The following CNTLN variants were observed in gnomAD, a reference collection of about 807,000 sequenced individuals.
The protein encoded by CNTLN is centlein, also known as centlein, centrosomal protein.
CNTLN carries 212 observed loss-of-function variants against 180.0 expected under a neutral mutation model. That is an observed-to-expected ratio of 1.18 (90% confidence interval 1.05 to 1.32). The LOEUF (loss-of-function observed/expected upper bound fraction) is 1.32, where lower values mean the gene tolerates loss of function less well. Ranked by LOEUF, CNTLN falls within the 40% of genes most tolerant of loss-of-function variation. CNTLN has a pLI of 0.00. For missense variants in CNTLN, 2,095 were observed against 1,610.9 expected, an observed-to-expected ratio of 1.30 and a Z score of -5.14; for synonymous variants, 722 against 563.1, an observed-to-expected ratio of 1.28 and a Z score of -3.99.
intron 19 of CNTLN, among the ~76,000 whole-genome samples, chr9:17,459,005 A>T (rs1831298455): frequency 6.6e-6 from 1 of 151,794 alleles, no homozygotes; most frequent in East Asian, 1.9e-4. Flanking sequence ...TATCACATAG[A>T]CTTTAATTCT....
intron 6 of CNTLN, among the ~76,000 whole-genome samples, chr9:17,284,884 G>A (rs1195346029): frequency 6.6e-6 from 1 of 151,998 alleles, no homozygotes; most frequent in African/African-American, 2.4e-5. Context: ...GCTTTTTGAT[G>A]TGGGCAGTTA....
At chr9:17,294,156 G>T (rs531557890) in intron 6 of CNTLN, among the ~76,000 whole-genome samples, 1 of 152,210 alleles carries the variant, frequency 6.6e-6, no homozygotes, top group South Asian at 2.1e-4. Context: ...GCTCATAAAG[G>T]CAGTGTGGAT....
intron 2 of CNTLN, among the ~76,000 whole-genome samples, chr9:17,200,381 T>C (rs1360551762): frequency 6.6e-6 from 1 of 152,164 alleles, no homozygotes; most frequent in Non-Finnish European, 1.5e-5. Flanking sequence ...AGAAAGTCAG[T>C]GGTAGTTTGA....
At chr9:17,443,405 G>A (rs1461467623) in intron 18 of CNTLN, among the ~76,000 whole-genome samples, 1 of 152,070 alleles carries the variant, frequency 6.6e-6, no homozygotes, top group Non-Finnish European at 1.5e-5. Flanking sequence ...AATAATAGCA[G>A]GTATTGTGTG....
chr9:17,338,933 TTGAAA>T (rs1423866555), intron 10 of CNTLN, among the ~76,000 whole-genome samples: 1 of 152,174 alleles, frequency 6.6e-6, no homozygotes, highest in Non-Finnish European at 1.5e-5. Context: ...GGTTCTTAAA[TTGAAA>T]TGAACAAAAT....
intron 5 of CNTLN, among the ~76,000 whole-genome samples, chr9:17,256,343 T>C (rs567093534): frequency 1.3e-5 from 2 of 152,134 alleles, no homozygotes; most frequent in African/African-American, 4.8e-5. Flanking sequence ...TCCAAACTGC[T>C]TTCCACAGTG....
At chr9:17,344,198 C>G (rs1442529407) in intron 12 of CNTLN, among the ~76,000 whole-genome samples, 1 of 152,024 alleles carries the variant, frequency 6.6e-6, no homozygotes, top group African/African-American at 2.4e-5. Flanking sequence ...AGTAATGAGG[C>G]CTTTTTAAAA....
At chr9:17,439,425 C>G (rs936144919) in intron 18 of CNTLN, among the ~76,000 whole-genome samples, 1 of 151,806 alleles carries the variant, frequency 6.6e-6, no homozygotes, top group Admixed American at 6.6e-5. Flanking sequence ...ATATCTGATG[C>G]GAATTTATAG....
At chr9:17,474,156 A>G (rs1288950630) in intron 23 of CNTLN, among the ~76,000 whole-genome samples, 1 of 152,078 alleles carries the variant, frequency 6.6e-6, no homozygotes, top group Non-Finnish European at 1.5e-5. Flanking sequence ...TCCCTAATAT[A>G]TATCTGTTCT....
chr9:17,218,659 C>T (rs1487973926), intron 2 of CNTLN, among the ~76,000 whole-genome samples: 1 of 152,106 alleles, frequency 6.6e-6, no homozygotes, highest in Non-Finnish European at 1.5e-5. Flanking sequence ...AATAGGTTCT[C>T]TACTCAAATG....
chr9:17,322,158 A>G (rs1030792602), intron 8 of CNTLN, among the ~76,000 whole-genome samples: 3 of 152,102 alleles, frequency 2.0e-5, no homozygotes, highest in African/African-American at 7.2e-5. Context: ...GACCACACAA[A>G]TATATGGGAA....
At chr9:17,438,200 A>C (rs767673213) in intron 18 of CNTLN, among the ~76,000 whole-genome samples, 1 of 152,096 alleles carries the variant, frequency 6.6e-6, no homozygotes, top group Non-Finnish European at 1.5e-5. Context: ...CTCTCAGGTG[A>C]TTCTGATGTA....
chr9:17,373,179 A>T (rs1824471248), intron 13 of CNTLN, among the ~76,000 whole-genome samples: 1 of 152,200 alleles, frequency 6.6e-6, no homozygotes, highest in African/African-American at 2.4e-5. Context: ...ATTAGGAAGA[A>T]GTCAAATTAT....
At chr9:17,255,472 C>G (rs552290286) in intron 5 of CNTLN, among the ~76,000 whole-genome samples, 20 of 131,424 alleles carry the variant, frequency 1.5e-4, no homozygotes, top group Non-Finnish European at 2.9e-4. Flanking sequence ...TTTATTCTTT[C>G]ATCGTGGTTT....
chr9:17,167,697 T>C (rs1256857920), intron 2 of CNTLN: 1 of 152,188 alleles, frequency 6.6e-6, no homozygotes, highest in African/African-American at 2.4e-5. Flanking sequence ...GTGAGGTTGT[T>C]AATAACAGAG....
chr9:17,360,134 T>A (rs926519156), intron 12 of CNTLN, among the ~76,000 whole-genome samples: 7 of 152,258 alleles, frequency 4.6e-5, no homozygotes, highest in African/African-American at 1.7e-4. Context: ...AAGTGTATTT[T>A]AAATTTTTCT....
chr9:17,394,577 C>T lies in CNTLN; in HGVS notation c.2123C>T (p.Ser708Leu), dbSNP rs372592353. The T allele has an allele frequency of 1.9e-5, 30 of 1,589,712 alleles. No individual in the cohort carries two copies. In the African/African-American group the frequency reaches 2.8e-4, roughly 15 times the overall value. Residue 708 changes from serine to leucine, a missense_variant, in exon 15 of 26, where the codon TCG (serine) becomes TTG (leucine). Transcript: ENST00000380647. ...CGGCTGAAATCTTTTGAGAAAAGGTCGAGAAAATTAAAAGAAGGGAATAAA... is the reference window on the plus strand; with the variant it reads ...CGGCTGAAATCTTTTGAGAAAAGGTTGAGAAAATTAAAAGAAGGGAATAAA... ...ENRLKSFEKR[S>L]RKLKEGNKKL...
intron 13 of CNTLN, among the ~76,000 whole-genome samples, chr9:17,380,192 G>A (rs1825123241): frequency 6.6e-6 from 1 of 152,160 alleles, no homozygotes; most frequent in Admixed American, 6.5e-5. Flanking sequence ...ATTGCCAGTG[G>A]ATCCTCAAAC....
At chr9:17,314,694 G>A (rs531772085) in intron 8 of CNTLN, among the ~76,000 whole-genome samples, 52 of 152,304 alleles carry the variant, frequency 3.4e-4, no homozygotes, top group Admixed American at 5.2e-4. Context: ...ATCAGAATGG[G>A]TAACTTAGCC....
Sources: allele counts gnomAD v4.1 joint callset (sites outside exome capture counted in the v4.1 genomes callset), GRCh38; gene constraint gnomAD v4.1.1; transcripts MANE v1.5; gene names NCBI Gene and HGNC (gene_info 2026-07-23, HGNC 2026-07-21).